The following SLC6A11 variants were observed in gnomAD, a reference collection of about 807,000 sequenced individuals.
SLC6A11 encodes sodium- and chloride-dependent GABA transporter 3.
SLC6A11 carries 25 observed loss-of-function variants against 74.8 expected under a neutral mutation model. That is an observed-to-expected ratio of 0.33 (90% confidence interval 0.24 to 0.47). The LOEUF (loss-of-function observed/expected upper bound fraction) is 0.47. Ranked by LOEUF, SLC6A11 falls within the 20% of genes least tolerant of loss-of-function variation. The probability of loss-of-function intolerance (pLI) is 1.00; values close to 1 mark genes in which losing one functional copy is unlikely to be tolerated. For missense variants in SLC6A11, 574 were observed against 837.0 expected (o/e 0.69, Z 3.88); for synonymous variants, 330 against 330.2 (o/e 1.00, Z 0.01).
chr3:10,848,362 C>T (rs936191140), intron 5 of SLC6A11, among the ~76,000 whole-genome samples: 38 of 152,242 alleles, frequency 2.5e-4, no homozygotes, highest in Non-Finnish European at 4.7e-4. Flanking sequence ...TTAGCATCTC[C>T]TTGCTGGGAC....
chr3:10,922,186 G>A (rs1305785264), intron 8 of SLC6A11, among the ~76,000 whole-genome samples: 1 of 152,036 alleles, frequency 6.6e-6, no homozygotes, highest in Non-Finnish European at 1.5e-5. Context: ...CTTTTCCAGT[G>A]GACATGGAAC....
At chr3:10,839,228 C>T (rs1232480884) in intron 4 of SLC6A11, among the ~76,000 whole-genome samples, 2 of 152,162 alleles carry the variant, frequency 1.3e-5, no homozygotes, top group African/African-American at 2.4e-5. Flanking sequence ...ATCAAACAAC[C>T]CTTGTACCCT....
chr3:10,816,579 G>C lies in SLC6A11; in HGVS notation c.256+58G>C, dbSNP rs1034689234. On this transcript the variant is annotated intron_variant, in intron 1 of 13. Coordinates refer to ENST00000254488, the MANE Select transcript of SLC6A11 (RefSeq NM_014229.3). The surrounding 1 kb of genome is among the most constrained non-coding windows in gnomAD (Gnocchi z 4.2). ...GCCAACCGCCCGGTGGGGGCGGGGA[G>C]CCAGGGGCGAGCGCGAGACCCCCTC... The C allele has an allele frequency of 1.4e-6, 2 of 1,475,724 alleles. No homozygotes were observed. The highest frequency in any genetic ancestry group is 2.2e-5 in the Admixed American group (1 of 45,392). The allele number at this position is 1,475,724 out of a possible 1,614,324, so 91.4% of individuals were successfully genotyped here. A position where few individuals can be genotyped will look rare whatever the true frequency, so the allele number is the denominator to read the frequency against.
intron 6 of SLC6A11, among the ~76,000 whole-genome samples, chr3:10,886,397 C>T (rs1235492051): frequency 6.6e-6 from 1 of 152,198 alleles, no homozygotes; most frequent in Non-Finnish European, 1.5e-5. Context: ...AATTCTGTTG[C>T]AGGGCTCTGA....
At chr3:10,936,663 G>A (rs980222129) in intron 13 of SLC6A11, among the ~76,000 whole-genome samples, 2 of 152,248 alleles carry the variant, frequency 1.3e-5, no homozygotes, top group East Asian at 3.8e-4. Context: ...TGCAGGGAAT[G>A]TAGGTCAAGG....
intron 6 of SLC6A11, among the ~76,000 whole-genome samples, chr3:10,901,131 G>C (rs1695234743): frequency 6.6e-6 from 1 of 152,174 alleles, no homozygotes; most frequent in East Asian, 1.9e-4. Flanking sequence ...GAGTCTGCAT[G>C]GACATCTTGG....
intron 7 of SLC6A11, among the ~76,000 whole-genome samples, chr3:10,916,676 T>A (rs1246099189): frequency 6.6e-6 from 1 of 152,260 alleles, no homozygotes; most frequent in Non-Finnish European, 1.5e-5. Context: ...GCAAGTCATG[T>A]GGCTAAGCCC....
chr3:10,856,139 G>A (rs1165486095), intron 5 of SLC6A11, among the ~76,000 whole-genome samples: 1 of 152,202 alleles, frequency 6.6e-6, no homozygotes, highest in Admixed American at 6.5e-5. Flanking sequence ...CCTCACCCCT[G>A]GCGGTGGCTA....
chr3:10,933,291 C>A, intron 11 of SLC6A11, 38 bp downstream of exon 11: 2 of 1,424,020 alleles, frequency 1.4e-6, no homozygotes, highest in Non-Finnish European at 2.0e-6. Context: ...CCCAGCTGCC[C>A]ACCAGGTACC....
chr3:10,817,642 G>C (rs554960146), intron 1 of SLC6A11, among the ~76,000 whole-genome samples: 1 of 152,334 alleles, frequency 6.6e-6, no homozygotes, highest in African/African-American at 2.4e-5. Context: ...GGCAGGGACC[G>C]GGCTATGAGT....
At chr3:10,875,669 G>C (rs140921970) in intron 6 of SLC6A11, among the ~76,000 whole-genome samples, 1 of 152,318 alleles carries the variant, frequency 6.6e-6, no homozygotes, top group Non-Finnish European at 1.5e-5. Context: ...GGAGAAACTG[G>C]CTAAGCTATC....
chr3:10,874,461 C>A (rs530130844), intron 5 of SLC6A11, among the ~76,000 whole-genome samples: 4 of 152,112 alleles, frequency 2.6e-5, no homozygotes, highest in Non-Finnish European at 5.9e-5. Context: ...TCCTTTACCC[C>A]CTCTGTGGCC....
intron 4 of SLC6A11, chr3:10,823,922 T>G (rs1694170673): frequency 6.4e-6 from 1 of 156,636 alleles, no homozygotes; most frequent in African/African-American, 2.4e-5. Flanking sequence ...TTCAGAAGGT[T>G]GTGAGCACCC....
intron 6 of SLC6A11, among the ~76,000 whole-genome samples, chr3:10,902,062 G>A (rs1453478264): frequency 1.4e-5 from 2 of 147,938 alleles, no homozygotes; most frequent in Non-Finnish European, 3.0e-5. Flanking sequence ...AGTTGTGTGT[G>A]CGTGTGTCTG....
At chr3:10,849,546 C>T (rs114840804) in intron 5 of SLC6A11, among the ~76,000 whole-genome samples, 68 of 152,268 alleles carry the variant, frequency 4.5e-4, no homozygotes, top group African/African-American at 1.6e-3. Context: ...TTCCCACGCA[C>T]ATATTCAAGA....
At position 10,826,863 on chromosome 3, in the gene SLC6A11, G is replaced by A. The variant is rs114098103; in HGVS notation, c.623+3471G>A. On this transcript the variant is annotated intron_variant, in intron 4 of 13. Transcript: ENST00000254488. Reference sequence around the variant, plus strand: ...TCATTTGAACACCAAGGGCAGGCAAGGGCAGTTTGTGTGCATCCTCATCGG... The same window carrying A: ...TCATTTGAACACCAAGGGCAGGCAAAGGCAGTTTGTGTGCATCCTCATCGG... Among the ~76,000 whole-genome samples, 300 of 152,346 alleles carry A rather than the reference G, an allele frequency of 2.0e-3. 1 individual carries two copies. Among genetic ancestry groups the A allele is most frequent in the African/African-American group, 7.0e-3 (290 of 41,580 alleles).
chr3:10,933,293 C>A, intron 11 of SLC6A11, 40 bp downstream of exon 11: 1 of 1,387,294 alleles, frequency 7.2e-7, no homozygotes, highest in Non-Finnish European at 1.0e-6. Context: ...CAGCTGCCCA[C>A]CAGGTACCCA....
chr3:10,929,740 A>G (rs1473402708), intron 10 of SLC6A11, among the ~76,000 whole-genome samples: 2 of 152,196 alleles, frequency 1.3e-5, no homozygotes, highest in African/African-American at 4.8e-5. Context: ...TTTTCTGGGC[A>G]TCTCTGAGAA....
intron 4 of SLC6A11, among the ~76,000 whole-genome samples, chr3:10,834,219 T>C (rs2106579803): frequency 6.6e-6 from 1 of 152,346 alleles, no homozygotes; most frequent in South Asian, 2.1e-4. Context: ...CTCTCTGCCG[T>C]TCCAGGCTTC....
Sources: gnomAD v4.1 joint callset for allele counts (sites outside exome capture counted in the v4.1 genomes callset) on GRCh38, gnomAD v4.1.1 for gene constraint, Gnocchi (gnomAD v3.1) non-coding constraint, MANE v1.5 for transcripts, NCBI Gene and HGNC (gene_info 2026-07-23, HGNC 2026-07-21) for gene names.